Variants in CLCN3 observed in about 807,000 individuals in gnomAD.
CLCN3 encodes Cl-/H+ antiporter 3.
In CLCN3, 16 loss-of-function variants were observed where a neutral mutation model predicts 83.4. The observed-to-expected ratio is 0.19, with a 90% CI of 0.13 to 0.29. The LOEUF is 0.29. Among genes scored for constraint, CLCN3 ranks in the 10% least tolerant of loss-of-function variants. The pLI, the probability that CLCN3 is intolerant of heterozygous loss-of-function variation, is 1.00. For synonymous variants in CLCN3, 322 were observed against 346.2 expected, an observed-to-expected ratio of 0.93 and a Z score of 0.78; for missense variants, 544 against 1,006.0, an observed-to-expected ratio of 0.54 and a Z score of 6.21.
intron 3 of CLCN3, among the ~76,000 whole-genome samples, chr4:169,681,437 A>G (rs1731933584): frequency 6.6e-6 from 1 of 152,240 alleles, no homozygotes; most frequent in African/African-American, 2.4e-5. Context: ...ATTAATATAT[A>G]TGTGTGTGAA....
intron 3 of CLCN3, among the ~76,000 whole-genome samples, chr4:169,682,948 A>C (rs1339579512): frequency 6.6e-6 from 1 of 152,208 alleles, no homozygotes; most frequent in Non-Finnish European, 1.5e-5. Context: ...CCCCTTGAAA[A>C]GGTCTCGGGG....
intron 2 of CLCN3, among the ~76,000 whole-genome samples, chr4:169,662,486 A>G (rs1560842071): frequency 1.3e-5 from 2 of 152,154 alleles, no homozygotes; most frequent in Non-Finnish European, 2.9e-5. Flanking sequence ...ATTGATGGAG[A>G]CAGGCAGCTA....
At chr4:169,634,780 A>G (rs577888422) in intron 1 of CLCN3, among the ~76,000 whole-genome samples, 2 of 152,212 alleles carry the variant, frequency 1.3e-5, no homozygotes, top group Non-Finnish European at 2.9e-5. Flanking sequence ...TGTTGTTCTT[A>G]CACTGTGCCA....
chr4:169,697,323 A>G lies in CLCN3; in HGVS notation c.1152A>G (p.Pro384=), dbSNP rs753231144. ...TTTTTTATGTGGAGTATCATACACC[A>G]TGGTACCTTTTTGAACTGTTTCCTT... The part of the protein sequence containing the change: ...LVLFYVEYHT[P]WYLFELFPFI... Residue 384 remains proline, a synonymous_variant, in exon 9 of 13, where the codon CCA becomes CCG. Transcript: ENST00000513761. The G allele has an allele frequency of 6.2e-7, 1 of 1,614,072 alleles. No homozygotes were observed. The highest frequency in any genetic ancestry group is 8.5e-7 in the Non-Finnish European group (1 of 1,180,012).
chr4:169,627,567 A>G (rs1263711370), intron 1 of CLCN3, among the ~76,000 whole-genome samples: 1 of 152,120 alleles, frequency 6.6e-6, no homozygotes, highest in African/African-American at 2.4e-5. Context: ...TGTGCAGTCA[A>G]TGATTATCAA....
chr4:169,673,105 G>A (rs1303373334), intron 2 of CLCN3, among the ~76,000 whole-genome samples: 2 of 152,210 alleles, frequency 1.3e-5, no homozygotes, highest in Admixed American at 1.3e-4. Context: ...AAATATAGTG[G>A]CTTCTCCCCA....
At chr4:169,679,666 A>C (rs1019338406) in intron 2 of CLCN3, among the ~76,000 whole-genome samples, 1 of 152,208 alleles carries the variant, frequency 6.6e-6, no homozygotes, top group Non-Finnish European at 1.5e-5. Flanking sequence ...AGGCGGGCAG[A>C]TCACTCGAGG....
Position 169,626,171 on chromosome 4 carries a change from A to T in CLCN3, c.-17+5108A>T, listed in dbSNP as rs575942550. On this transcript the variant is annotated intron_variant, in intron 1 of 12. Transcript: ENST00000513761. ...TTCAATTAATGTGCTAGAGCAGCTC[A>T]CAGAACTCAGAGAAACACTTACCGG... Among the ~76,000 whole-genome samples, 3 of 152,362 alleles carry T rather than the reference A, an allele frequency of 2.0e-5. No homozygotes were observed. The South Asian group carries it at 6.2e-4, about 32-fold the overall frequency.
chr4:169,636,206 A>G (rs1330185398), intron 2 of CLCN3, 118 bp downstream of exon 2: 9 of 896,740 alleles, frequency 1.0e-5, no homozygotes, highest in African/African-American at 6.8e-5. Flanking sequence ...TCAAATTTAC[A>G]TAACATAAAC....
intron 2 of CLCN3, 99 bp downstream of exon 2, chr4:169,636,187 A>C (rs1773496821): frequency 2.8e-6 from 3 of 1,074,242 alleles, no homozygotes; most frequent in African/African-American, 3.2e-5. Context: ...TAACTTTAAA[A>C]ATTTGAGATC....
At chr4:169,712,021 ATTTTTT>A (rs564857112) in intron 11 of CLCN3, among the ~76,000 whole-genome samples, 56 of 114,964 alleles carry the variant, frequency 4.9e-4, no homozygotes, top group South Asian at 4.0e-3. Context: ...TGCTTGGCCG[ATTTTTT>A]TTTTTTTTTT....
At chr4:169,645,283 T>G (rs1730543057) in intron 2 of CLCN3, among the ~76,000 whole-genome samples, 1 of 151,770 alleles carries the variant, frequency 6.6e-6, no homozygotes, top group Non-Finnish European at 1.5e-5. Context: ...TATTAAAAAC[T>G]TTAAGAGTGA....
At chr4:169,677,994 ACT>A (rs1033467144) in intron 2 of CLCN3, among the ~76,000 whole-genome samples, 8 of 152,248 alleles carry the variant, frequency 5.3e-5, no homozygotes, top group African/African-American at 1.9e-4. Flanking sequence ...GATTTATTTG[ACT>A]CTAATGAGGG....
At chr4:169,673,740 T>C (rs1216365133) in intron 2 of CLCN3, among the ~76,000 whole-genome samples, 2 of 152,172 alleles carry the variant, frequency 1.3e-5, no homozygotes, top group Non-Finnish European at 1.5e-5. Context: ...GAATCCCATA[T>C]ACCTGTCACC....
In CLCN3 at chr4:169,642,745, A is replaced by C. The variant is rs962737328; in HGVS notation, c.160+6657A>C. Reference sequence around the variant, plus strand: ...TCCATGTTGCTCAGGCTGGTCTGCAACTCCTGGGCTCAAGCAATCTACCTG... The same window carrying C: ...TCCATGTTGCTCAGGCTGGTCTGCACCTCCTGGGCTCAAGCAATCTACCTG... On this transcript the variant is annotated intron_variant, in intron 2 of 12. Transcript: ENST00000513761. The C allele has an allele frequency of 4.6e-5, 7 of 151,982 alleles. No homozygotes were observed. In the East Asian group the frequency reaches 1.4e-3, roughly 30 times the overall value. The allele number at this position is 151,982 out of a possible 1,614,324, so 9.4% of individuals were successfully genotyped here.
At chr4:169,680,344 A>C (rs760827716) in intron 3 of CLCN3, 137 bp downstream of exon 3, 1 of 641,580 alleles carries the variant, frequency 1.6e-6, no homozygotes, top group Non-Finnish European at 2.6e-6. Flanking sequence ...TATGTGGTAC[A>C]TGTTTTTTTC....
chr4:169,658,293 T>C (rs1730945661), intron 2 of CLCN3, among the ~76,000 whole-genome samples: 1 of 151,854 alleles, frequency 6.6e-6, no homozygotes, highest in Non-Finnish European at 1.5e-5. Context: ...CAAATATGGC[T>C]ACAAAACTTT....
chr4:169,632,927 G>A (rs938054309), intron 1 of CLCN3, among the ~76,000 whole-genome samples: 2 of 152,046 alleles, frequency 1.3e-5, no homozygotes, highest in African/African-American at 4.8e-5. Flanking sequence ...TTCGAAGGAA[G>A]CAAAATAATT....
chr4:169,702,792 A>AG, intron 9 of CLCN3: 3 of 295,604 alleles, frequency 1.0e-5, no homozygotes, highest in East Asian at 2.1e-4. Flanking sequence ...AAAAAAAAAA[A>AG]AAAAAGAAAG....
Sources: allele counts gnomAD v4.1 joint callset (sites outside exome capture counted in the v4.1 genomes callset), GRCh38; gene constraint gnomAD v4.1.1; transcripts MANE v1.5; gene names NCBI Gene and HGNC (gene_info 2026-07-23, HGNC 2026-07-21).